TTF1: variants seen among roughly 807,000 people sequenced by gnomAD.
The protein encoded by TTF1 is transcription termination factor 1, also known as transcription termination factor, RNA polymerase I.
In TTF1, 64 loss-of-function variants were observed where a neutral mutation model predicts 80.2. The ratio of observed to expected loss-of-function variants is 0.80; its 90% CI spans 0.65 to 0.98. The LOEUF (loss-of-function observed/expected upper bound fraction) is 0.98. Among genes scored for constraint, TTF1 ranks in the 50% least tolerant of loss-of-function variants. The probability of loss-of-function intolerance (pLI) is 0.00; values close to 1 mark genes in which losing one functional copy is unlikely to be tolerated. For missense variants in TTF1, 1,023 were observed against 1,086.2 expected, an observed-to-expected ratio of 0.94 and a Z score of 0.82; for synonymous variants, 372 against 382.7, an observed-to-expected ratio of 0.97 and a Z score of 0.33.
chr9:132,405,202 TTTTTTC>T (rs1311005935), intron 1 of TTF1, among the ~76,000 whole-genome samples: 1 of 150,466 alleles, frequency 6.6e-6, no homozygotes, highest in East Asian at 2.0e-4. Context: ...TTTCTTTTCT[TTTTTTC>T]TTTTTCTTTT....
chr9:132,386,470 C>T, intron 9 of TTF1, 86 bp downstream of exon 9: 1 of 1,110,646 alleles, frequency 9.0e-7, no homozygotes, highest in Non-Finnish European at 1.3e-6. Context: ...GCATCATTAT[C>T]AGCCCTGTAA....
intron 10 of TTF1, among the ~76,000 whole-genome samples, chr9:132,378,289 GGT>G (rs531381218): frequency 1.3e-3 from 135 of 106,954 alleles, no homozygotes; most frequent in Non-Finnish European, 1.6e-3. Flanking sequence ...GAATGCATGT[GGT>G]GAGTGCATGT....
At position 132,375,941 on chromosome 9, in the gene TTF1, C is replaced by T; in HGVS notation, c.2692G>A (p.Gly898Arg). The T allele has an allele frequency of 6.2e-7, 1 of 1,604,756 alleles. No individual in the cohort carries two copies. The highest frequency in any genetic ancestry group is 2.2e-5 in the East Asian group (1 of 44,768). Residue 898 changes from glycine to arginine, a missense_variant, in exon 11 of 11, where the codon GGA becomes AGA. By Grantham distance (125) the Gly-to-Arg change is moderately radical (BLOSUM62 -2). Transcript: ENST00000334270. ...MAHACNSSTL[G>R]GQGRWII ...CAGATGATCCACCGGCCTTGGCCTC[C>T]CAAAGTACTGGAATTACAGGCGTGA...
Position 132,400,205 on chromosome 9 carries a change from A to G in TTF1, c.1421T>C (p.Ile474Thr), listed in dbSNP as rs144158263. The change falls in exon 3 of 11, where the codon ATA becomes ACA. Residue 474 changes from isoleucine to threonine, a missense_variant. Transcript: ENST00000334270. Reference sequence around the variant, plus strand: ...TCCTGAATCTGCAGATAAGTATCTTATTTCGGAATCTTCAGCTGTTTCCAC... The same window carrying G: ...TCCTGAATCTGCAGATAAGTATCTTGTTTCGGAATCTTCAGCTGTTTCCAC... ...HNVETAEDSE[I>T]RYLSADSGDA... 5.8e-4 allele frequency: 931 copies of G among 1,614,192 alleles called. 2 individuals carry two copies. In the African/African-American group the frequency reaches 0.011, roughly 19 times the overall value.
intron 1 of TTF1, among the ~76,000 whole-genome samples, chr9:132,403,283 C>T (rs576320432): frequency 6.6e-6 from 1 of 152,314 alleles, no homozygotes; most frequent in East Asian, 1.9e-4. Context: ...AGGTGGCTCA[C>T]TGGAATTCTC....
At chr9:132,379,853 T>TA (rs1325420067) in intron 9 of TTF1, among the ~76,000 whole-genome samples, 5 of 152,192 alleles carry the variant, frequency 3.3e-5, no homozygotes, top group African/African-American at 1.2e-4. Flanking sequence ...TATTTTAAAG[T>TA]AAAAAACCAC....
At position 132,401,569 on chromosome 9, in the gene TTF1, A is replaced by G; in HGVS notation, c.1253T>C (p.Leu418Pro). ...GCCATCACCTTCTACTGAATCAAAG[A>G]GTGTGCTCTCAGAGTTCTTACTGGG... Reference protein sequence around the residue: ...SVPSKNSESTLFDSVEGDGAM... With the variant: ...SVPSKNSESTPFDSVEGDGAM... The change falls in exon 2 of 11, where the codon CTC becomes CCC. Residue 418 changes from leucine (L) to proline (P), a missense_variant. By Grantham distance (98) the Leu-to-Pro change is moderately conservative. Coordinates refer to ENST00000334270, the MANE Select transcript of TTF1 (RefSeq NM_007344.4). 2 of 1,614,142 alleles carry G rather than the reference A, an allele frequency of 1.2e-6. No homozygotes were observed. Among genetic ancestry groups the G allele is most frequent in the Non-Finnish European group, 1.7e-6 (2 of 1,180,038 alleles).
At chr9:132,400,375 G>A in intron 2 of TTF1, 117 bp from the exon 3 acceptor site, 1 of 772,956 alleles carries the variant, frequency 1.3e-6, no homozygotes, top group South Asian at 1.7e-5. Flanking sequence ...CCAGGCTGGA[G>A]TGCAATGGTG....
At chr9:132,406,603 TAA>T (rs35899253) in intron 1 of TTF1, among the ~76,000 whole-genome samples, 185 bp downstream of exon 1, 2,973 of 125,376 alleles carry the variant, frequency 0.024, 81 homozygotes, top group African/African-American at 0.065. Context: ...ACTCCATCTT[TAA>T]AAAAAAAAAA....
Position 132,400,059 on chromosome 9 carries a change from GTTCCAAGTCGT to G in TTF1, c.1556_1566del (p.Asp519AlafsTer3), listed in dbSNP as rs953638484. On this transcript the variant is annotated frameshift_variant, in exon 3 of 11. Transcript: ENST00000334270. LOFTEE classifies it high-confidence loss of function. The stretch of plus-strand genomic sequence containing the variant: ...CCTTGTGCTTTAAATTCCTTAAACC[GTTCCAAGTCGT>G]CCCGGTACATCCGCTTGATTGTGCT... 1.9e-6 allele frequency: 3 copies of G among 1,614,024 alleles called. No homozygotes were observed. Among genetic ancestry groups the G allele is most frequent in the Non-Finnish European group, 1.7e-6 (2 of 1,180,054 alleles).
At position 132,384,539 on chromosome 9, in the gene TTF1, C is replaced by T. The variant is rs1849424279; in HGVS notation, c.2378+2017G>A. Among the ~76,000 whole-genome samples the T allele has an allele frequency of 6.6e-6, 1 of 152,210 alleles. No homozygotes were observed. Among genetic ancestry groups the T allele is most frequent in the Admixed American group, 6.5e-5 (1 of 15,274 alleles). ...TAGCCATCAGAACATCACTCAGATC[C>T]TGCAGACATTTTGCATAAACCATCT... On this transcript the variant is annotated intron_variant, in intron 9 of 10. Transcript: ENST00000334270. This position sits in a 1 kb window ranked among gnomAD's most constrained non-coding sequence, Gnocchi z 4.1.
At chr9:132,377,791 G>A (rs1589813786) in intron 10 of TTF1, among the ~76,000 whole-genome samples, 1 of 109,536 alleles carries the variant, frequency 9.1e-6, no homozygotes, top group Non-Finnish European at 1.8e-5. Context: ...GAGTGCATGT[G>A]GTGTGTGTGC....
rs1482619966 is a variant in TTF1 at position 132,398,300 on chromosome 9, A to G, written c.1618T>C (p.Ser540Pro). 6.2e-7 allele frequency: 1 copy of G among 1,608,422 alleles called. No homozygotes were observed. Among genetic ancestry groups the G allele is most frequent in the Admixed American group, 1.7e-5 (1 of 58,146 alleles). ...QGVAIKFGKF[S>P]VKENKQLEKN... is the part of the protein sequence containing the mutation. Reference sequence around the variant, plus strand: ...TCTAACTGCTTATTTTCCTTTACAGAAAACTTGCCAAATTTAATAGCGACA... The same window carrying G: ...TCTAACTGCTTATTTTCCTTTACAGGAAACTTGCCAAATTTAATAGCGACA... The change falls in exon 4 of 11, where the codon TCT becomes CCT. Residue 540 changes from serine to proline, a missense_variant. Physicochemically the swap from Ser to Pro is moderately conservative, Grantham distance 74. Transcript: ENST00000334270.
intron 8 of TTF1, 119 bp downstream of exon 8, chr9:132,388,019 GA>G: frequency 3.0e-6 from 2 of 671,518 alleles, no homozygotes; most frequent in Non-Finnish European, 5.0e-6. Flanking sequence ...AATACATGCG[GA>G]AAGTGCTGGA....
Position 132,398,006 on chromosome 9 carries a change from C to T in TTF1, c.1777+135G>A, listed in dbSNP as rs538820460. 10 of 601,134 alleles carry T rather than the reference C, an allele frequency of 1.7e-5. No homozygotes were observed. In the South Asian group the frequency reaches 2.9e-4, roughly 17 times the overall value. 37.2% of individuals were successfully genotyped at this position (601,134 alleles called of 1,614,324 possible). A position where few individuals can be genotyped will look rare whatever the true frequency, so the allele number is the denominator to read the frequency against. ...GTCTCAAAAAAAAAAAAAAGAATAT[C>T]ATCAGCCATCACAGCAGTTAATGTG... On this transcript the variant is annotated intron_variant, in intron 4 of 10. Coordinates refer to ENST00000334270, the MANE Select transcript of TTF1 (RefSeq NM_007344.4).
Position 132,395,143 on chromosome 9 carries a change from G to C in TTF1, c.1856+1290C>G, listed in dbSNP as rs182873681. Among the ~76,000 whole-genome samples, 547 of 152,182 alleles carry C rather than the reference G, an allele frequency of 3.6e-3. 1 individual carries two copies. Among genetic ancestry groups the C allele is most frequent in the African/African-American group, 0.012 (502 of 41,494 alleles). ...GGAGGCGGAGGTTGCAGTGAGCCAA[G>C]ATTGCGCCATTGCACTCCAGCCTGG... On this transcript the variant is annotated intron_variant, in intron 5 of 10. Transcript: ENST00000334270.
intron 3 of TTF1, among the ~76,000 whole-genome samples, chr9:132,399,071 C>CCT (rs1159314036): frequency 6.6e-6 from 1 of 151,674 alleles, no homozygotes; most frequent in East Asian, 1.9e-4. Flanking sequence ...TGGTGGCAGG[C>CCT]GCCTGTAGTC....
Position 132,386,543 on chromosome 9 carries a change from C to T in TTF1, c.2378+13G>A, listed in dbSNP as rs578203981. ...ATATTTTAATTAGTTTAATATTAAA[C>T]AAATGGTCTTACCCTATGGCACTAG... is the stretch of plus-strand genomic sequence containing the variant. On this transcript the variant is annotated intron_variant, in intron 9 of 10. Transcript: ENST00000334270. 10 of 1,595,416 alleles carry T rather than the reference C, an allele frequency of 6.3e-6. No homozygotes were observed. In the African/African-American group the frequency reaches 1.3e-4, roughly 21 times the overall value.
intron 5 of TTF1, among the ~76,000 whole-genome samples, chr9:132,392,713 A>T (rs1849582815): frequency 1.3e-5 from 2 of 152,176 alleles, no homozygotes; most frequent in Non-Finnish European, 1.5e-5. Context: ...CAACAGAAAC[A>T]TAATACGAGC....
Sources: allele counts gnomAD v4.1 joint callset (sites outside exome capture counted in the v4.1 genomes callset), GRCh38; gene constraint gnomAD v4.1.1; non-coding constraint Gnocchi (gnomAD v3.1); transcripts MANE v1.5; gene names NCBI Gene and HGNC (gene_info 2026-07-23, HGNC 2026-07-21).